ATIC: variants seen among roughly 807,000 people sequenced by gnomAD.
ATIC encodes bifunctional purine biosynthesis protein ATIC.
A neutral mutation model predicts 72.5 loss-of-function variants in ATIC; 64 were observed. That is an observed-to-expected ratio of 0.88 (90% CI 0.72 to 1.09). The LOEUF (loss-of-function observed/expected upper bound fraction) is 1.09. Ranked by LOEUF, ATIC falls within the 50% of genes least tolerant of loss-of-function variation. ATIC has a pLI of 0.00. For synonymous variants in ATIC, 281 were observed against 267.1 expected, an observed-to-expected ratio of 1.05 and a Z score of -0.51; for missense variants, 787 against 732.4, an observed-to-expected ratio of 1.07 and a Z score of -0.86.
rs1046158511 is a variant in ATIC at position 215,326,154 on chromosome 2, A to G, written c.531+16A>G. 2.5e-6 allele frequency: 4 copies of G among 1,613,654 alleles called. No individual in the cohort carries two copies. The highest frequency in any genetic ancestry group is 3.4e-6 in the Non-Finnish European group (4 of 1,179,728). ...AGCCTTGAAGGTGGGATGCACTTTC[A>G]TGATATTGTAAGTTACATCCATGGA... On this transcript the variant is annotated intron_variant, in intron 6 of 15. Coordinates refer to ENST00000236959, the MANE Select transcript of ATIC (RefSeq NM_004044.7).
chr2:215,316,306 A>G (rs1259926124), intron 2 of ATIC, among the ~76,000 whole-genome samples: 1 of 152,210 alleles, frequency 6.6e-6, no homozygotes, highest in Non-Finnish European at 1.5e-5. Context: ...ATTTGAAAAC[A>G]CTTATGTCAC....
At chr2:215,343,596 A>G (rs2053042448) in intron 12 of ATIC, among the ~76,000 whole-genome samples, 1 of 152,238 alleles carries the variant, frequency 6.6e-6, no homozygotes, top group Non-Finnish European at 1.5e-5. Context: ...TTGGCCTCCC[A>G]AAGTGCTAGG....
chr2:215,355,419 T>C, the ATIC span, among the ~76,000 whole-genome samples: 1 of 152,176 alleles, frequency 6.6e-6, no homozygotes, highest in East Asian at 1.9e-4. Context: ...AGTGTATTTC[T>C]ATTGGGGGAT....
the ATIC span, among the ~76,000 whole-genome samples, chr2:215,360,098 C>T: frequency 6.6e-6 from 1 of 152,246 alleles, no homozygotes; most frequent in African/African-American, 2.4e-5. Flanking sequence ...ACTGCCATGC[C>T]TGGTAACATT....
At chr2:215,356,255 A>C in the ATIC span, among the ~76,000 whole-genome samples, 1 of 152,240 alleles carries the variant, frequency 6.6e-6, no homozygotes, top group African/African-American at 2.4e-5. Flanking sequence ...ATGGAAGCAT[A>C]GGAACTAGTG....
At chr2:215,354,500 G>A (rs1421018243), downstream of ATIC, among the ~76,000 whole-genome samples, 3 of 151,976 alleles carry the variant, frequency 2.0e-5, no homozygotes, top group African/African-American at 7.3e-5. Context: ...TTATCCAAAT[G>A]TTAGCATTTC....
intron 11 of ATIC, among the ~76,000 whole-genome samples, chr2:215,337,891 A>G (rs930081350): frequency 6.6e-6 from 1 of 152,236 alleles, no homozygotes; most frequent in African/African-American, 2.4e-5. Context: ...CATTGGACGC[A>G]TGATTATAAG....
chr2:215,349,914 C>A, downstream of ATIC: 1 of 578,074 alleles, frequency 1.7e-6, no homozygotes, highest in Non-Finnish European at 3.0e-6. Flanking sequence ...GAAACATAAA[C>A]ATTAGCAGGA....
downstream of ATIC, among the ~76,000 whole-genome samples, chr2:215,353,649 C>A (rs1292077193): frequency 6.6e-6 from 1 of 152,096 alleles, no homozygotes; most frequent in Non-Finnish European, 1.5e-5. Context: ...GCAACCTCCA[C>A]CTCCCAGGTT....
At chr2:215,319,187 T>G (rs1036196111) in intron 3 of ATIC, among the ~76,000 whole-genome samples, 8 of 152,184 alleles carry the variant, frequency 5.3e-5, no homozygotes, top group African/African-American at 1.9e-4. Context: ...GCCAGATATA[T>G]CTGTTAATCC....
Position 215,326,135 on chromosome 2 carries a change from G to T in ATIC, c.528G>T (p.Leu176Phe), listed in dbSNP as rs762770985. Residue 176 changes from leucine (L) to phenylalanine (F), a missense_variant, in exon 6 of 16, where the codon TTG becomes TTT. Transcript: ENST00000236959. ...TSLETRRQLALKAFTHTAQYD... is the reference protein window; with the variant it reads ...TSLETRRQLAFKAFTHTAQYD... The stretch of plus-strand genomic sequence containing the variant: ...TGGAGACTAGACGCCAGTTAGCCTT[G>T]AAGGTGGGATGCACTTTCATGATAT... 2 of 1,613,932 alleles carry T rather than the reference G, an allele frequency of 1.2e-6. No individual in the cohort carries two copies. Among genetic ancestry groups the T allele is most frequent in the South Asian group, 2.2e-5 (2 of 91,058 alleles).
At chr2:215,360,152 G>C in the ATIC span, among the ~76,000 whole-genome samples, 2 of 152,172 alleles carry the variant, frequency 1.3e-5, no homozygotes, top group African/African-American at 4.8e-5. Flanking sequence ...TGGCCAGGCT[G>C]GTCTCAAACT....
At position 215,349,241 on chromosome 2, in the gene ATIC, G is replaced by A. The variant is rs772855164; in HGVS notation, c.1651G>A (p.Ala551Thr). The change falls in exon 15 of 16, where the codon GCT becomes ACT. Residue 551 changes from alanine (A) to threonine (T), a missense_variant. Transcript: ENST00000236959. ...CCCTTTCCGAGATAACGTAGACAGA[G>A]CTAAAAGGGTAAGTATGGAATTGGG... Reference protein sequence around the residue: ...FFPFRDNVDRAKRSGVAYIAA... With the variant: ...FFPFRDNVDRTKRSGVAYIAA... 14 of 1,614,068 alleles carry A rather than the reference G, an allele frequency of 8.7e-6. No individual in the cohort carries two copies. The highest frequency in any genetic ancestry group is 1.2e-5 in the Non-Finnish European group (14 of 1,180,040).
intron 9 of ATIC, among the ~76,000 whole-genome samples, chr2:215,334,187 TTC>T: frequency 7.7e-6 from 1 of 129,562 alleles, no homozygotes; most frequent in Non-Finnish European, 1.6e-5. Context: ...CAAAAAGCTA[TTC>T]TTTTTTTTTT....
chr2:215,312,206 C>T lies in ATIC; in HGVS notation c.19+45C>T. ...GCGCGGTCTGCGTCCTCGCCTGCGGCCCCCCACGCTCCCGCCTTGGCGGCG... is the reference window on the plus strand; with the variant it reads ...GCGCGGTCTGCGTCCTCGCCTGCGGTCCCCCACGCTCCCGCCTTGGCGGCG... On this transcript the variant is annotated intron_variant, in intron 1 of 15. Transcript: ENST00000236959. 3.4e-6 allele frequency: 5 copies of T among 1,480,900 alleles called. 1 individual carries two copies. Among genetic ancestry groups the T allele is most frequent in the Middle Eastern group, 4.8e-4 (2 of 4,210 alleles). 91.7% of individuals were successfully genotyped at this position (1,480,900 alleles called of 1,614,324 possible).
intron 12 of ATIC, among the ~76,000 whole-genome samples, chr2:215,339,538 CT>C (rs2052994747): frequency 6.6e-6 from 1 of 152,204 alleles, no homozygotes; most frequent in Non-Finnish European, 1.5e-5. Context: ...ATATTCATAT[CT>C]TTATCTGAAA....
rs1553572384 is a variant in ATIC, at chr2:215,335,973, A to G, written c.1009-62A>G. 3.7e-6 allele frequency: 5 copies of G among 1,341,524 alleles called. No individual in the cohort carries two copies. The Admixed American group carries it at 8.8e-5, about 24-fold the overall frequency. The allele number at this position is 1,341,524 out of a possible 1,614,324, so 83.1% of individuals were successfully genotyped here. On this transcript the variant is annotated intron_variant, in intron 10 of 15. Coordinates refer to ENST00000236959, the MANE Select transcript of ATIC (RefSeq NM_004044.7). ...ATTTAAGACTGATAATTGCTGCTAG[A>G]TTTTTTTAAGAGGTGTTCTCTGATT...
rs926861575 is a variant in ATIC at position 215,325,714 on chromosome 2, C to T, written c.380-273C>T. 3.8e-4 allele frequency among the ~76,000 whole-genome samples: 58 copies of T among 152,136 alleles called. 1 individual carries two copies. The highest frequency in any genetic ancestry group is 1.3e-3 in the African/African-American group (56 of 41,512). On this transcript the variant is annotated intron_variant, in intron 5 of 15. Transcript: ENST00000236959. ...AGTAGCTGGGATTACAGGTGCACAC[C>T]ACCACGCCTGGCTAATTTTTTTTGT...
At chr2:215,344,430 G>T (rs1449476233) in intron 12 of ATIC, among the ~76,000 whole-genome samples, 1 of 152,136 alleles carries the variant, frequency 6.6e-6, no homozygotes, top group African/African-American at 2.4e-5. Flanking sequence ...GCTCACACCT[G>T]TTGTAATCCT....
Sources: gnomAD v4.1 joint callset for allele counts (sites outside exome capture counted in the v4.1 genomes callset) on GRCh38, gnomAD v4.1.1 for gene constraint, MANE v1.5 for transcripts, NCBI Gene and HGNC (gene_info 2026-07-23, HGNC 2026-07-21) for gene names.